CLUAP1: variants seen among roughly 807,000 people sequenced by gnomAD.
CLUAP1 encodes the protein intraflagellar transport 38.
In CLUAP1, 50 loss-of-function variants were observed where a neutral mutation model predicts 55.0. That is an observed-to-expected ratio of 0.91 (90% confidence interval 0.72 to 1.15). The LOEUF (loss-of-function observed/expected upper bound fraction) is 1.15. Among genes scored for constraint, CLUAP1 ranks in the 50% most tolerant of loss-of-function variants. The probability of loss-of-function intolerance (pLI) is 0.00; values close to 1 mark genes in which losing one functional copy is unlikely to be tolerated. For missense variants in CLUAP1, 530 were observed against 507.6 expected, an observed-to-expected ratio of 1.04 and a Z score of -0.42; for synonymous variants, 195 against 175.4, an observed-to-expected ratio of 1.11 and a Z score of -0.88.
At chr16:3,496,811 A>G (rs949747280), upstream of CLUAP1, 2 of 360,834 alleles carry the variant, frequency 5.5e-6, no homozygotes, top group African/African-American at 4.3e-5. Flanking sequence ...ACAAAAAAAC[A>G]AAAAGTTAAA....
At chr16:3,525,476 G>A (rs1482514518) in intron 8 of CLUAP1, among the ~76,000 whole-genome samples, 1 of 152,062 alleles carries the variant, frequency 6.6e-6, no homozygotes, top group Non-Finnish European at 1.5e-5. Context: ...CGGAAACACA[G>A]TGCTTTATTT....
intron 6 of CLUAP1, among the ~76,000 whole-genome samples, chr16:3,516,060 T>C (rs1195405682): frequency 6.6e-6 from 1 of 152,196 alleles, no homozygotes; most frequent in Non-Finnish European, 1.5e-5. Context: ...CTCAGATTGC[T>C]TGGGTTTGAA....
At chr16:3,529,808 A>ATTATATAATATATAT (rs2038071701) in intron 9 of CLUAP1, among the ~76,000 whole-genome samples, 2 of 35,400 alleles carry the variant, frequency 5.6e-5, no homozygotes, top group East Asian at 7.8e-4. Flanking sequence ...ATTATTATAT[A>ATTATATAATATATAT]TATATTATAA....
At chr16:3,497,456 A>G (rs961211927), upstream of CLUAP1, among the ~76,000 whole-genome samples, 1 of 152,238 alleles carries the variant, frequency 6.6e-6, no homozygotes, top group Non-Finnish European at 1.5e-5. Flanking sequence ...CATGGACTGA[A>G]GACTTAATAT....
chr16:3,507,587 A>G (rs1023631983), intron 3 of CLUAP1, among the ~76,000 whole-genome samples: 4 of 151,188 alleles, frequency 2.6e-5, no homozygotes, highest in Non-Finnish European at 4.4e-5. Context: ...TAAAAACATT[A>G]TGAAACAAAA....
At chr16:3,508,773 G>A (rs1014449622) in intron 4 of CLUAP1, among the ~76,000 whole-genome samples, 1 of 151,880 alleles carries the variant, frequency 6.6e-6, no homozygotes, top group Non-Finnish European at 1.5e-5. Flanking sequence ...AATAAGAGGT[G>A]TGGAAGGCCA....
intron 11 of CLUAP1, chr16:3,533,509 A>G (rs2038170923): frequency 1.5e-5 from 4 of 271,946 alleles, no homozygotes; most frequent in Admixed American, 1.3e-4. Flanking sequence ...TCGAGGTGCC[A>G]GGCATGAGGC....
At position 3,536,204 on chromosome 16, in the gene CLUAP1, C is replaced by T; in HGVS notation, c.1175C>T (p.Ser392Leu). The change falls in exon 12 of 12, where the codon TCA becomes TTA. Residue 392 changes from serine to leucine, a missense_variant. Physicochemically the swap from Ser to Leu is moderately radical, Grantham distance 145 (BLOSUM62 -2). Coordinates refer to ENST00000576634, the MANE Select transcript of CLUAP1 (RefSeq NM_015041.3). ...TTGGAAGACGAGAGCATTTCTCTCT[C>T]ACCAACCAAGCCCAATCGAAGGGTC... ...DDLEDESISL[S>L]PTKPNRRVRK... 2 of 1,614,194 alleles carry T rather than the reference C, an allele frequency of 1.2e-6. No homozygotes were observed. The highest frequency in any genetic ancestry group is 2.2e-5 in the South Asian group (2 of 91,086).
intron 1 of CLUAP1, among the ~76,000 whole-genome samples, chr16:3,502,765 C>A (rs780951107): frequency 1.3e-5 from 2 of 152,028 alleles, no homozygotes; most frequent in East Asian, 3.9e-4. Context: ...TGCCGGGGGA[C>A]GTAGAATGGG....
intron 5 of CLUAP1, among the ~76,000 whole-genome samples, chr16:3,514,247 A>G (rs1422889518): frequency 6.6e-6 from 1 of 152,192 alleles, no homozygotes; most frequent in East Asian, 1.9e-4. Flanking sequence ...TTTCAACACC[A>G]TCCTGTAAAG....
intron 7 of CLUAP1, 26 bp from the exon 8 acceptor site, chr16:3,523,132 C>T (rs1429128934): frequency 6.3e-7 from 1 of 1,590,640 alleles, no homozygotes; most frequent in Non-Finnish European, 8.5e-7. Context: ...TTCACCTTTC[C>T]TTTTTATTTC....
rs73503362 is a variant in CLUAP1, at chr16:3,523,248, T to C, written c.804T>C (p.Tyr268=). Residue 268 remains tyrosine (Y), a synonymous_variant, in exon 8 of 12, where the codon TAT becomes TAC. Coordinates refer to ENST00000576634, the MANE Select transcript of CLUAP1 (RefSeq NM_015041.3). ...TGGAGAAATTTCAAAATCTGACTTA[T>C]CTGGAACAACAGCTTGAAGACCATC... ...TYLEKFQNLT[Y]LEQQLEDHHR... is the part of the protein sequence containing the mutation. The C allele has an allele frequency of 2.0e-4, 328 of 1,613,990 alleles. 1 individual carries two copies. The African/African-American group carries it at 3.4e-3, about 17-fold the overall frequency.
At chr16:3,510,981 G>A (rs1468635802) in intron 4 of CLUAP1, among the ~76,000 whole-genome samples, 1 of 152,178 alleles carries the variant, frequency 6.6e-6, no homozygotes, top group Admixed American at 6.5e-5. Flanking sequence ...AGCCTTGAGG[G>A]TAGGAGCAGA....
intron 4 of CLUAP1, among the ~76,000 whole-genome samples, chr16:3,510,627 T>A: frequency 6.6e-6 from 1 of 152,232 alleles, no homozygotes; most frequent in East Asian, 1.9e-4. Flanking sequence ...CTCTGTGCTG[T>A]ACTCTACGGG....
At chr16:3,532,914 G>A (rs778641451) in intron 11 of CLUAP1, 73 bp downstream of exon 11, 8 of 1,541,950 alleles carry the variant, frequency 5.2e-6, no homozygotes, top group Non-Finnish European at 7.2e-6. Flanking sequence ...GAGTGGCTGA[G>A]TTGCTGTCAG....
At chr16:3,514,004 T>G (rs949777404) in intron 5 of CLUAP1, among the ~76,000 whole-genome samples, 1 of 152,222 alleles carries the variant, frequency 6.6e-6, no homozygotes, top group Non-Finnish European at 1.5e-5. Context: ...GACCCGGCAG[T>G]TGCCACCTGA....
rs2037803747 is a variant in CLUAP1, at chr16:3,520,031, T to C, written c.708T>C (p.Ser236=). ...GGAAGCGACTAGAGACTCTGCAGAG[T>C]GTCAGGTAGATATGAACACTTGGAG... ...RNRKRLETLQ[S]VRPCFMDEYE... Residue 236 remains serine, a synonymous_variant, in exon 7 of 12, where the codon AGT becomes AGC. Coordinates refer to ENST00000576634, the MANE Select transcript of CLUAP1 (RefSeq NM_015041.3). The C allele has an allele frequency of 5.6e-6, 9 of 1,606,514 alleles. No individual in the cohort carries two copies. Among genetic ancestry groups the C allele is most frequent in the Non-Finnish European group, 7.6e-6 (9 of 1,178,010 alleles).
In CLUAP1 at chr16:3,512,426, C is replaced by A; in HGVS notation, c.443C>A (p.Thr148Asn). Residue 148 changes from threonine to asparagine, a missense_variant, in exon 5 of 12, where the codon ACC becomes AAC. Physicochemically the swap from Thr to Asn is moderately conservative, Grantham distance 65 (BLOSUM62 0). Coordinates refer to ENST00000576634, the MANE Select transcript of CLUAP1 (RefSeq NM_015041.3). The part of the protein sequence containing the change: ...KAARQLASEI[T>N]SKGASLYDLL... ...GCCAGGCAGCTTGCGTCTGAAATCACCTCCAAAGGAGCATCTCTGTATGAC... is the reference window on the plus strand; with the variant it reads ...GCCAGGCAGCTTGCGTCTGAAATCAACTCCAAAGGAGCATCTCTGTATGAC... The A allele has an allele frequency of 3.7e-6, 6 of 1,614,110 alleles. No homozygotes were observed. In the South Asian group the frequency reaches 6.6e-5, roughly 18 times the overall value.
chr16:3,509,279 T>C (rs2037572150), intron 4 of CLUAP1, among the ~76,000 whole-genome samples: 1 of 152,070 alleles, frequency 6.6e-6, no homozygotes, highest in Non-Finnish European at 1.5e-5. Context: ...TTTTGTGTGT[T>C]TGAGGAAAAG....
Sources: allele counts gnomAD v4.1 joint callset (sites outside exome capture counted in the v4.1 genomes callset), GRCh38; gene constraint gnomAD v4.1.1; transcripts MANE v1.5; gene names NCBI Gene and HGNC (gene_info 2026-07-23, HGNC 2026-07-21).